Variants in TMEM52B observed in about 807,000 individuals in gnomAD.
TMEM52B encodes the protein transmembrane protein 52B.
In TMEM52B, 11 loss-of-function variants were observed where a neutral mutation model predicts 16.1. That is an observed-to-expected ratio of 0.68 (90% CI 0.43 to 1.13). The LOEUF (loss-of-function observed/expected upper bound fraction) is 1.13. Among genes scored for constraint, TMEM52B ranks in the 50% most tolerant of loss-of-function variants. TMEM52B has a pLI of 0.00. For missense variants in TMEM52B, 243 were observed against 230.4 expected, an observed-to-expected ratio of 1.05 and a Z score of -0.35; for synonymous variants, 101 against 93.8, an observed-to-expected ratio of 1.08 and a Z score of -0.45.
At chr12:10,181,540 G>A (rs1948822536) in intron 1 of TMEM52B, among the ~76,000 whole-genome samples, 1 of 151,242 alleles carries the variant, frequency 6.6e-6, no homozygotes, top group Admixed American at 6.6e-5. Context: ...ATGTTGGCCA[G>A]GCTGGTCTCG....
At position 10,190,467 on chromosome 12, in the gene TMEM52B, C is replaced by A; in HGVS notation, c.*327C>A. 1 of 258,792 alleles carries A rather than the reference C, an allele frequency of 3.9e-6. No individual in the cohort carries two copies. The highest frequency in any genetic ancestry group is 5.1e-5 in the South Asian group (1 of 19,528). The allele number at this position is 258,792 out of a possible 1,614,324, so 16.0% of individuals were successfully genotyped here. A position where few individuals can be genotyped will look rare whatever the true frequency, so the allele number is the denominator to read the frequency against. On this transcript the variant is annotated 3_prime_UTR_variant, in exon 5 of 5. Transcript: ENST00000543484. The stretch of plus-strand genomic sequence containing the variant: ...ATAGAATTCCTGTACCCACATGATA[C>A]TGCAAGTTGTGTCTCTCTCTGTCAG...
upstream of TMEM52B, among the ~76,000 whole-genome samples, chr12:10,178,473 A>G (rs1298018907): frequency 2.0e-5 from 3 of 148,644 alleles, no homozygotes; most frequent in Non-Finnish European, 3.0e-5. Context: ...CAGTGAGCCG[A>G]GATTGCGCCA....
rs770437566 is a variant in TMEM52B, at chr12:10,185,400, CTG to C, written c.137+34_137+35del. On this transcript the variant is annotated intron_variant, in intron 3 of 4. Transcript: ENST00000543484. ...TTCACTTATAATACCCAGAAAGACA[CTG>C]TATTCCTCAAGGCCATTAAAAATGA... 1.3e-4 allele frequency: 197 copies of C among 1,544,864 alleles called. No individual in the cohort carries two copies. The Middle Eastern group carries it at 8.3e-3, about 65-fold the overall frequency.
At chr12:10,182,448 C>CGTAA in intron 1 of TMEM52B, 102 bp from the exon 2 acceptor site, 1 of 1,451,890 alleles carries the variant, frequency 6.9e-7, no homozygotes, top group Non-Finnish European at 9.1e-7. Flanking sequence ...GACCTTCTTA[C>CGTAA]TGCTTGATCT....
At chr12:10,177,615 G>T (rs918613576), upstream of TMEM52B, among the ~76,000 whole-genome samples, 11 of 151,508 alleles carry the variant, frequency 7.3e-5, no homozygotes, top group Non-Finnish European at 1.5e-4. Context: ...ACTGAAAATA[G>T]AAAAGTTAGC....
chr12:10,186,331 T>C, intron 3 of TMEM52B, 89 bp from the exon 4 acceptor site: 1 of 999,306 alleles, frequency 1.0e-6, no homozygotes, highest in South Asian at 3.9e-5. Flanking sequence ...TAGACAAGAA[T>C]CAAAACACAG....
intron 2 of TMEM52B, among the ~76,000 whole-genome samples, chr12:10,184,427 T>C (rs1948857104): frequency 6.6e-6 from 1 of 152,072 alleles, no homozygotes; most frequent in Non-Finnish European, 1.5e-5. Flanking sequence ...GGCATCAGAA[T>C]TCTGGGGAGC....
upstream of TMEM52B, chr12:10,175,303 T>G (rs1948757902): frequency 6.6e-6 from 1 of 152,194 alleles, no homozygotes; most frequent in Admixed American, 6.5e-5. Context: ...CAAGCTTAAA[T>G]GGATCCTGCA....
At position 10,188,081 on chromosome 12, in the gene TMEM52B, C is replaced by T. The variant is rs908981357; in HGVS notation, c.307+1492C>T. Among the ~76,000 whole-genome samples the T allele has an allele frequency of 5.3e-5, 8 of 150,656 alleles. No individual in the cohort carries two copies. The South Asian group carries it at 6.3e-4, about 12-fold the overall frequency. On this transcript the variant is annotated intron_variant, in intron 4 of 4. Coordinates refer to ENST00000543484, the MANE Select transcript of TMEM52B (RefSeq NM_001384896.1). Reference sequence around the variant, plus strand: ...GCCACTGCACTCCAGCCTGGGTGAGCGACAGAGAAAGACCCTGTCTCAAAA... The same window carrying T: ...GCCACTGCACTCCAGCCTGGGTGAGTGACAGAGAAAGACCCTGTCTCAAAA...
At chr12:10,177,439 C>T (rs1445144389), upstream of TMEM52B, among the ~76,000 whole-genome samples, 3 of 152,084 alleles carry the variant, frequency 2.0e-5, no homozygotes, top group East Asian at 1.9e-4. Flanking sequence ...ATGATCAGCT[C>T]ACCCAAGAGT....
intron 2 of TMEM52B, 77 bp from the exon 3 acceptor site, chr12:10,185,253 C>A: frequency 2.0e-6 from 2 of 997,920 alleles, no homozygotes; most frequent in South Asian, 1.3e-5. Context: ...CATATTGTAA[C>A]TCATATTTCT....
intron 1 of TMEM52B, among the ~76,000 whole-genome samples, 178 bp downstream of exon 1, chr12:10,179,806 T>G (rs1223972472): frequency 6.6e-6 from 1 of 152,172 alleles, no homozygotes; most frequent in East Asian, 1.9e-4. Flanking sequence ...TAGATGCATG[T>G]GTGACTGATG....
chr12:10,182,743 A>G (rs1948838527), intron 2 of TMEM52B, 150 bp downstream of exon 2: 1 of 906,828 alleles, frequency 1.1e-6, no homozygotes, highest in Admixed American at 3.3e-5. Context: ...ATCACAAAAT[A>G]AAGACGTGTT....
At chr12:10,174,879 C>T (rs1357906848), upstream of TMEM52B, among the ~76,000 whole-genome samples, 1 of 152,194 alleles carries the variant, frequency 6.6e-6, no homozygotes, top group Admixed American at 6.5e-5. Flanking sequence ...ATTATGTCTT[C>T]AACAATTATC....
intron 1 of TMEM52B, among the ~76,000 whole-genome samples, chr12:10,180,319 G>GA (rs1469216922): frequency 1.4e-5 from 2 of 145,336 alleles, no homozygotes; most frequent in Non-Finnish European, 3.0e-5. Flanking sequence ...AGTGGTATCT[G>GA]AAAATCCATT....
upstream of TMEM52B, among the ~76,000 whole-genome samples, chr12:10,176,237 A>G (rs1948764442): frequency 6.6e-6 from 1 of 152,222 alleles, no homozygotes; most frequent in Non-Finnish European, 1.5e-5. Context: ...TCAGAGTTAA[A>G]GCTGCCCCAA....
chr12:10,178,639 A>AC (rs1472096830), upstream of TMEM52B, among the ~76,000 whole-genome samples: 1 of 105,902 alleles, frequency 9.4e-6, no homozygotes, highest in African/African-American at 4.1e-5. Flanking sequence ...TCACTCCTTA[A>AC]CCAAAGAGAG....
Position 10,182,563 on chromosome 12 carries a change from G to A in TMEM52B, c.68G>A (p.Arg23Lys), listed in dbSNP as rs1227353924. ...CTCTTTCTACAGCTTTCTGGGACGA[G>A]ATGTGAGGAAAACTGTGGTAATCCT... is the stretch of plus-strand genomic sequence containing the variant. ...LLYFILLSGT[R>K]CEENCGNPEH... The change falls in exon 2 of 5, where the codon AGA becomes AAA. Residue 23 changes from arginine (R) to lysine (K), a missense_variant. Physicochemically the swap from Arg to Lys is conservative, Grantham distance 26. Coordinates refer to ENST00000543484, the MANE Select transcript of TMEM52B (RefSeq NM_001384896.1). The A allele has an allele frequency of 6.5e-7, 1 of 1,535,512 alleles. No individual in the cohort carries two copies.
chr12:10,182,038 A>C (rs79080155), intron 1 of TMEM52B: 47 of 261,822 alleles, frequency 1.8e-4, no homozygotes, highest in East Asian at 6.4e-4. Context: ...AAAAAAAAAA[A>C]AACAAAAAAA....
Sources: allele counts gnomAD v4.1 joint callset (sites outside exome capture counted in the v4.1 genomes callset), GRCh38; gene constraint gnomAD v4.1.1; transcripts MANE v1.5; gene names NCBI Gene and HGNC (gene_info 2026-07-23, HGNC 2026-07-21).